The following PHF11 variants were observed in gnomAD, a reference collection of about 807,000 sequenced individuals.
PHF11 encodes PHD finger protein 11.
PHF11 carries 38 observed loss-of-function variants against 40.5 expected under a neutral mutation model. The ratio of observed to expected loss-of-function variants is 0.94; its 90% CI spans 0.72 to 1.23. The LOEUF is 1.23. Among genes scored for constraint, PHF11 ranks in the 50% most tolerant of loss-of-function variants. The probability of loss-of-function intolerance (pLI) is 0.00; values close to 1 mark genes in which losing one functional copy is unlikely to be tolerated. For synonymous variants in PHF11, 127 were observed against 138.2 expected (o/e 0.92, Z 0.57); for missense variants, 369 against 392.4 (o/e 0.94, Z 0.50).
intron 4 of PHF11, chr13:49,518,503 C>T (rs960782630): frequency 1.3e-5 from 2 of 154,476 alleles, no homozygotes; most frequent in African/African-American, 2.4e-5. Context: ...CCTAATTTTC[C>T]CATAGTGTTC....
At chr13:49,497,422 T>G (rs1261126683) in intron 1 of PHF11, among the ~76,000 whole-genome samples, 1 of 152,198 alleles carries the variant, frequency 6.6e-6, no homozygotes, top group Admixed American at 6.5e-5. Context: ...AAAACCTTAG[T>G]GGCTCCTCAG....
intron 4 of PHF11, among the ~76,000 whole-genome samples, chr13:49,519,244 A>T (rs993129099): frequency 6.6e-6 from 1 of 152,150 alleles, no homozygotes; most frequent in Admixed American, 6.5e-5. Context: ...TTTATATTTG[A>T]TTCACTAAGA....
rs151154685 is a variant in PHF11 at position 49,498,839 on chromosome 13, T to C, written c.94+2744T>C. On this transcript the variant is annotated intron_variant, in intron 1 of 9. Transcript: ENST00000378319. ...TTAAACACACATGGGCACACACACA[T>C]ATAAACATGTGAGTGCACACACACA... Among the ~76,000 whole-genome samples the C allele has an allele frequency of 1.5e-3, 231 of 152,236 alleles. 4 individuals carry two copies. In the East Asian group the frequency reaches 0.028, roughly 19 times the overall value.
At chr13:49,526,936 C>CTTGGGTGG (rs1959322067) in intron 9 of PHF11, among the ~76,000 whole-genome samples, 2 of 152,120 alleles carry the variant, frequency 1.3e-5, no homozygotes, top group African/African-American at 4.8e-5. Flanking sequence ...AACCATCCCT[C>CTTGGGTGG]CGCTTGCCTC....
rs1040311853 is a variant in PHF11, at chr13:49,524,746, G to T, written c.769+530G>T. On this transcript the variant is annotated intron_variant, in intron 8 of 9. Transcript: ENST00000378319. Reference sequence around the variant, plus strand: ...CCACCTCGGCCTCCCAAAGTGCTTGGATTACAGGCATGAGCCACCATGCCT... The same window carrying T: ...CCACCTCGGCCTCCCAAAGTGCTTGTATTACAGGCATGAGCCACCATGCCT... Among the ~76,000 whole-genome samples the T allele has an allele frequency of 3.3e-5, 5 of 152,002 alleles. No homozygotes were observed. In the East Asian group the frequency reaches 9.6e-4, roughly 29 times the overall value.
At chr13:49,522,599 T>A (rs1008900455) in intron 6 of PHF11, among the ~76,000 whole-genome samples, 2 of 152,128 alleles carry the variant, frequency 1.3e-5, no homozygotes, top group African/African-American at 2.4e-5. Flanking sequence ...ATTTTGGGGA[T>A]TTGAGTTTTT....
At position 49,513,108 on chromosome 13, in the gene PHF11, C is replaced by T. The variant is rs768363449; in HGVS notation, c.266C>T (p.Pro89Leu). The change falls in exon 3 of 10, where the codon CCT (proline) becomes CTT (leucine). Residue 89 changes from proline (P) to leucine (L), a missense_variant. Pro to Leu is a moderately conservative substitution (Grantham distance 98, BLOSUM62 -3). Transcript: ENST00000378319. ...TGTGAGGATCAGGATCCACTTAATC[C>T]TGATAGAAGTTTTGATGTGGAATCA... ...VECEDQDPLN[P>L]DRSFDVESVK... is the part of the protein sequence containing the mutation. 1 of 1,603,984 alleles carries T rather than the reference C, an allele frequency of 6.2e-7. No homozygotes were observed. Among genetic ancestry groups the T allele is most frequent in the Non-Finnish European group, 8.5e-7 (1 of 1,171,060 alleles).
chr13:49,523,048 A>G, intron 6 of PHF11, 127 bp from the exon 7 acceptor site: 1 of 729,002 alleles, frequency 1.4e-6, no homozygotes, highest in Non-Finnish European at 2.5e-6. Flanking sequence ...CAGGCGTGAG[A>G]CACCGCGCCC....
chr13:49,497,491 G>A (rs1594195393), intron 1 of PHF11, among the ~76,000 whole-genome samples: 2 of 152,228 alleles, frequency 1.3e-5, no homozygotes, highest in South Asian at 4.1e-4. Flanking sequence ...CCAGTTCTGT[G>A]TTCAGCCTGA....
At chr13:49,499,102 TC>T (rs1958865926) in intron 1 of PHF11, among the ~76,000 whole-genome samples, 1 of 152,258 alleles carries the variant, frequency 6.6e-6, no homozygotes, top group African/African-American at 2.4e-5. Context: ...TATTTCTGCA[TC>T]TCTCAGTGTA....
At chr13:49,509,577 G>C (rs1209668133) in intron 2 of PHF11, among the ~76,000 whole-genome samples, 1 of 152,130 alleles carries the variant, frequency 6.6e-6, no homozygotes, top group Non-Finnish European at 1.5e-5. Flanking sequence ...ATCTCACCTT[G>C]AATTGTAATA....
At chr13:49,523,324 C>A in intron 7 of PHF11, 83 bp downstream of exon 7, 2 of 852,016 alleles carry the variant, frequency 2.3e-6, no homozygotes, top group East Asian at 5.0e-5. Context: ...ACTTGGTATC[C>A]CGCCTAAATC....
chr13:49,509,596 G>T (rs890255378), intron 2 of PHF11, among the ~76,000 whole-genome samples: 1 of 152,102 alleles, frequency 6.6e-6, no homozygotes, highest in Non-Finnish European at 1.5e-5. Context: ...TAATCCCCAC[G>T]TGTCAAGGGT....
intron 9 of PHF11, 29 bp downstream of exon 9, chr13:49,526,487 C>A (rs79588680): frequency 2.6e-6 from 3 of 1,166,408 alleles, no homozygotes; most frequent in Non-Finnish European, 3.8e-6. Context: ...ATCTGAGCAG[C>A]ATAGTTTTGA....
In PHF11 at chr13:49,520,037, A is replaced by G. The variant is rs114259468; in HGVS notation, c.459-857A>G. On this transcript the variant is annotated intron_variant, in intron 4 of 9. Transcript: ENST00000378319. ...CCTGAGCAGCTCTATAAAACGATTC[A>G]CTTCATTTCTTTTGTTTTGTTTTGT... is the stretch of plus-strand genomic sequence containing the variant. Among the ~76,000 whole-genome samples the G allele has an allele frequency of 5.7e-3, 874 of 152,014 alleles. 7 individuals are homozygous for G. Among genetic ancestry groups the G allele is most frequent in the African/African-American group, 0.019 (800 of 41,464 alleles).
At chr13:49,516,777 G>T (rs915186441) in intron 3 of PHF11, among the ~76,000 whole-genome samples, 3 of 151,750 alleles carry the variant, frequency 2.0e-5, no homozygotes, top group Admixed American at 1.3e-4. Context: ...TAGAGATGAG[G>T]TCTCACTGTG....
intron 1 of PHF11, among the ~76,000 whole-genome samples, chr13:49,501,847 T>C (rs1273867506): frequency 6.6e-6 from 1 of 152,136 alleles, no homozygotes; most frequent in East Asian, 2.0e-4. Context: ...TCCGCCACCA[T>C]GCCCGGCTAA....
chr13:49,528,581 G>C lies in PHF11; in HGVS notation c.912G>C (p.Gln304His), dbSNP rs1479386682. Residue 304 changes from glutamine (Q) to histidine (H), a missense_variant, in exon 10 of 10, where the codon CAG (glutamine) becomes CAC (histidine). Coordinates refer to ENST00000378319, the MANE Select transcript of PHF11 (RefSeq NM_001040443.3). ...QQLKEEIELL[Q>H]DLKQTLCSFQ... is the part of the protein sequence containing the mutation. Reference sequence around the variant, plus strand: ...TGAAGGAAGAGATTGAGCTACTTCAGGACTTAAAACAAACCTTGTGCTCTT... The same window carrying C: ...TGAAGGAAGAGATTGAGCTACTTCACGACTTAAAACAAACCTTGTGCTCTT... 1 of 1,611,732 alleles carries C rather than the reference G, an allele frequency of 6.2e-7. No individual in the cohort carries two copies. Among genetic ancestry groups the C allele is most frequent in the Admixed American group, 1.7e-5 (1 of 59,940 alleles).
intron 1 of PHF11, among the ~76,000 whole-genome samples, chr13:49,497,960 C>G (rs1447508831): frequency 6.6e-6 from 1 of 152,164 alleles, no homozygotes; most frequent in Non-Finnish European, 1.5e-5. Context: ...CCTTGCCTGC[C>G]CATCCTGTCT....
Sources: gnomAD v4.1 joint callset for allele counts (sites outside exome capture counted in the v4.1 genomes callset) on GRCh38, gnomAD v4.1.1 for gene constraint, MANE v1.5 for transcripts, NCBI Gene and HGNC (gene_info 2026-07-23, HGNC 2026-07-21) for gene names.